PPP1R9A: variants seen among roughly 807,000 people sequenced by gnomAD.
PPP1R9A encodes the protein protein phosphatase 1 regulatory subunit 9A.
A neutral mutation model predicts 141.9 loss-of-function variants in PPP1R9A; 59 were observed. The observed-to-expected ratio is 0.42, with a 90% CI of 0.34 to 0.52. The LOEUF (loss-of-function observed/expected upper bound fraction) is 0.52, where lower values mean the gene tolerates loss of function less well. PPP1R9A is among the 20% of genes least tolerant of loss of function. The pLI is 0.10. For synonymous variants in PPP1R9A, 500 were observed against 569.7 expected, an observed-to-expected ratio of 0.88 and a Z score of 1.74; for missense variants, 1,444 against 1,611.9, an observed-to-expected ratio of 0.90 and a Z score of 1.78.
intron 2 of PPP1R9A, among the ~76,000 whole-genome samples, chr7:94,933,594 G>A (rs1159541205): frequency 6.6e-6 from 1 of 152,106 alleles, no homozygotes; most frequent in African/African-American, 2.4e-5. Flanking sequence ...CAAAGCTTTT[G>A]TTTTGTTCCA....
At chr7:95,015,424 CT>C (rs1165853485) in intron 2 of PPP1R9A, among the ~76,000 whole-genome samples, 2 of 151,892 alleles carry the variant, frequency 1.3e-5, no homozygotes, top group Non-Finnish European at 2.9e-5. Flanking sequence ...ATTATTTTCA[CT>C]GGATATAGAA....
chr7:95,260,083 A>G (rs2153028793), intron 12 of PPP1R9A, among the ~76,000 whole-genome samples: 1 of 152,330 alleles, frequency 6.6e-6, no homozygotes, highest in African/African-American at 2.4e-5. Context: ...AATTTTAATG[A>G]ACAAGCCAAG....
rs569269234 is a variant in PPP1R9A, at chr7:94,935,116, G to A, written c.1395+23608G>A. On this transcript the variant is annotated intron_variant, in intron 2 of 19. Transcript: ENST00000433360. ...CAGTGGTTTGAACTTTAAGACATACGAATTTTATGTTCATGAATAATGTAC... is the reference window on the plus strand; with the variant it reads ...CAGTGGTTTGAACTTTAAGACATACAAATTTTATGTTCATGAATAATGTAC... Among the ~76,000 whole-genome samples, 4 of 152,192 alleles carry A rather than the reference G, an allele frequency of 2.6e-5. No homozygotes were observed. The South Asian group carries it at 8.3e-4, about 32-fold the overall frequency.
intron 2 of PPP1R9A, among the ~76,000 whole-genome samples, chr7:95,095,775 A>G (rs1299934802): frequency 6.6e-6 from 1 of 152,216 alleles, no homozygotes; most frequent in East Asian, 1.9e-4. Context: ...GTCTAATCTT[A>G]GGTTTACAAG....
intron 2 of PPP1R9A, among the ~76,000 whole-genome samples, chr7:95,063,636 T>A (rs1812556864): frequency 6.6e-6 from 1 of 152,184 alleles, no homozygotes; most frequent in African/African-American, 2.4e-5. Context: ...CTTACATGTG[T>A]ATGTGATGAA....
At chr7:95,085,580 A>G (rs1489448364) in intron 2 of PPP1R9A, among the ~76,000 whole-genome samples, 1 of 151,582 alleles carries the variant, frequency 6.6e-6, no homozygotes, top group African/African-American at 2.4e-5. Context: ...ATGCCTGGCT[A>G]ATTTTTGTAT....
At chr7:94,966,459 T>TA (rs1798229360) in intron 2 of PPP1R9A, among the ~76,000 whole-genome samples, 2 of 152,214 alleles carry the variant, frequency 1.3e-5, no homozygotes, top group South Asian at 2.1e-4. Context: ...GGGTTTGTCA[T>TA]AAAAAACTCT....
At chr7:94,987,925 A>T (rs900977293) in intron 2 of PPP1R9A, among the ~76,000 whole-genome samples, 1 of 152,028 alleles carries the variant, frequency 6.6e-6, no homozygotes, top group Non-Finnish European at 1.5e-5. Context: ...AGTTCTTGTC[A>T]TGTTTTGCAT....
chr7:95,141,517 C>A (rs913702652), intron 4 of PPP1R9A, among the ~76,000 whole-genome samples: 1 of 152,068 alleles, frequency 6.6e-6, no homozygotes, highest in Non-Finnish European at 1.5e-5. Flanking sequence ...ACTTTCCTTT[C>A]CCCCCAGCTC....
intron 4 of PPP1R9A, among the ~76,000 whole-genome samples, chr7:95,126,501 T>C (rs1357749831): frequency 6.6e-6 from 1 of 152,166 alleles, no homozygotes; most frequent in Non-Finnish European, 1.5e-5. Flanking sequence ...CAGGATGAGA[T>C]AGTTTTTACA....
At chr7:95,139,046 G>A (rs1826168548) in intron 4 of PPP1R9A, among the ~76,000 whole-genome samples, 1 of 152,168 alleles carries the variant, frequency 6.6e-6, no homozygotes, top group South Asian at 2.1e-4. Flanking sequence ...AGTCTTGCAT[G>A]TGAATGACAA....
chr7:94,998,824 G>A (rs1802509529), intron 2 of PPP1R9A, among the ~76,000 whole-genome samples: 1 of 152,128 alleles, frequency 6.6e-6, no homozygotes, highest in South Asian at 2.1e-4. Flanking sequence ...GGGTACAGTA[G>A]TGTAACCATG....
At chr7:94,911,945 A>C (rs560427149) in intron 2 of PPP1R9A, among the ~76,000 whole-genome samples, 3 of 152,184 alleles carry the variant, frequency 2.0e-5, no homozygotes, top group Non-Finnish European at 2.9e-5. Context: ...TCTGGGAATA[A>C]TATTCGATTT....
At chr7:95,024,910 C>T (rs190623371) in intron 2 of PPP1R9A, among the ~76,000 whole-genome samples, 63 of 152,200 alleles carry the variant, frequency 4.1e-4, no homozygotes, top group Non-Finnish European at 7.1e-4. Context: ...TGCAGTGGCT[C>T]GTATCGATTA....
intron 2 of PPP1R9A, among the ~76,000 whole-genome samples, chr7:95,010,453 A>G (rs1350537586): frequency 6.6e-6 from 1 of 152,066 alleles, no homozygotes; most frequent in East Asian, 1.9e-4. Flanking sequence ...ATGCAGTCTG[A>G]TTTCGGAACT....
chr7:94,949,584 T>C (rs889569968), intron 2 of PPP1R9A, among the ~76,000 whole-genome samples: 1 of 152,096 alleles, frequency 6.6e-6, no homozygotes, highest in African/African-American at 2.4e-5. Context: ...GAAGCCTCTA[T>C]TGGGCTAGTT....
intron 5 of PPP1R9A, 25 bp from the exon 6 acceptor site, chr7:95,198,324 T>C: frequency 6.3e-7 from 1 of 1,579,864 alleles, no homozygotes; most frequent in Non-Finnish European, 8.6e-7. Flanking sequence ...GTCTTAAATA[T>C]TAGTCTTTGT....
chr7:95,131,952 A>G (rs1180276977), intron 4 of PPP1R9A, among the ~76,000 whole-genome samples: 4 of 151,928 alleles, frequency 2.6e-5, no homozygotes, highest in African/African-American at 9.7e-5. Context: ...TGTGTGTGTT[A>G]TTGTAAATGG....
chr7:95,193,433 T>C (rs997292751), intron 5 of PPP1R9A, among the ~76,000 whole-genome samples: 7 of 152,044 alleles, frequency 4.6e-5, no homozygotes, highest in African/African-American at 1.4e-4. Context: ...TGTTAAATTG[T>C]AGGGCAAATT....
Sources: allele counts gnomAD v4.1 joint callset (sites outside exome capture counted in the v4.1 genomes callset), GRCh38; gene constraint gnomAD v4.1.1; transcripts MANE v1.5; gene names NCBI Gene and HGNC (gene_info 2026-07-23, HGNC 2026-07-21).